The following CFAP61 variants were observed in gnomAD, a reference collection of about 807,000 sequenced individuals.
The protein encoded by CFAP61 is cilia and flagella associated protein 61.
Under a neutral mutation model 135.6 loss-of-function variants are expected in CFAP61, and 107 were observed. That is an observed-to-expected ratio of 0.79 (90% confidence interval 0.67 to 0.93). The LOEUF (loss-of-function observed/expected upper bound fraction) is 0.93, where lower values mean the gene tolerates loss of function less well. CFAP61 is among the 40% of genes least tolerant of loss of function. The probability of loss-of-function intolerance (pLI) is 0.00; values close to 1 mark genes in which losing one functional copy is unlikely to be tolerated. For missense variants in CFAP61, 1,507 were observed against 1,556.2 expected (o/e 0.97, Z 0.53); for synonymous variants, 575 against 578.5 (o/e 0.99, Z 0.09).
intron 26 of CFAP61, among the ~76,000 whole-genome samples, chr20:20,355,906 T>G (rs1300623637): frequency 9.1e-4 from 83 of 90,982 alleles, no homozygotes; most frequent in African/African-American, 3.6e-3. Context: ...TGAGGGGAGG[T>G]GGTCACACTG....
Position 20,098,801 on chromosome 20 carries a change from C to T in CFAP61, c.846C>T (p.Val282=), listed in dbSNP as rs567362692. ...TGGAATCACCACAAGACCTAAGTGT[C>T]CGAAGAAGTCAAGGTACAGTGGCTA... ...DVLESPQDLS[V]RRSQDAELRS... Residue 282 remains valine (V), a synonymous_variant, in exon 8 of 27, where the codon GTC becomes GTT. Transcript: ENST00000245957. The T allele has an allele frequency of 3.1e-6, 5 of 1,611,988 alleles. No individual in the cohort carries two copies. The East Asian group carries it at 6.7e-5, about 22-fold the overall frequency.
intron 3 of CFAP61, among the ~76,000 whole-genome samples, 173 bp downstream of exon 3, chr20:20,071,177 A>C (rs550261745): frequency 1.3e-5 from 2 of 151,956 alleles, no homozygotes; most frequent in African/African-American, 2.4e-5. Flanking sequence ...GCCAGGGGGG[A>C]TAGGAAAGGG....
chr20:20,062,895 C>CAA (rs2146545441), intron 2 of CFAP61, among the ~76,000 whole-genome samples: 1 of 152,240 alleles, frequency 6.6e-6, no homozygotes, highest in South Asian at 2.1e-4. Flanking sequence ...TATATGGGAT[C>CAA]AAGACTGTAG....
At chr20:20,162,894 G>A (rs1026298568) in intron 10 of CFAP61, among the ~76,000 whole-genome samples, 6 of 152,210 alleles carry the variant, frequency 3.9e-5, no homozygotes, top group African/African-American at 7.2e-5. Flanking sequence ...AAATACTTAC[G>A]GATTTAACCC....
intron 6 of CFAP61, among the ~76,000 whole-genome samples, chr20:20,081,283 A>G (rs770741424): frequency 1.1e-4 from 16 of 152,128 alleles, no homozygotes; most frequent in Non-Finnish European, 2.2e-4. Flanking sequence ...TTCTAAAAGT[A>G]TTTTCTTAAG....
At position 20,281,075 on chromosome 20, in the gene CFAP61, A is replaced by G. The variant is rs539317864; in HGVS notation, c.2796+3617A>G. Among the ~76,000 whole-genome samples the G allele has an allele frequency of 4.1e-4, 63 of 152,212 alleles. 3 individuals are homozygous for G. The South Asian group carries it at 0.011, about 28-fold the overall frequency. On this transcript the variant is annotated intron_variant, in intron 22 of 26. Coordinates refer to ENST00000245957, the MANE Select transcript of CFAP61 (RefSeq NM_015585.4). ...AAAATTTTGAAATTTCCAGTTGATC[A>G]CTGCAGGTTTACAAAATGCAATTTA...
intron 1 of CFAP61, among the ~76,000 whole-genome samples, chr20:20,054,521 T>C (rs774492914): frequency 1.8e-4 from 28 of 152,220 alleles, no homozygotes; most frequent in Non-Finnish European, 3.7e-4. Context: ...ATGAAAATTA[T>C]ACATAAGTCA....
intron 17 of CFAP61, among the ~76,000 whole-genome samples, chr20:20,212,323 A>T (rs2047708638): frequency 6.6e-6 from 1 of 152,052 alleles, no homozygotes; most frequent in Non-Finnish European, 1.5e-5. Flanking sequence ...TCTCTCACAC[A>T]CACACCAGGC....
intron 13 of CFAP61, among the ~76,000 whole-genome samples, chr20:20,186,955 G>A (rs2055545544): frequency 6.6e-6 from 1 of 152,156 alleles, no homozygotes; most frequent in South Asian, 2.1e-4. Flanking sequence ...CCTGGTGTGG[G>A]GCAGTCAGTC....
rs562441577 is a variant in CFAP61, at chr20:20,119,398, G to C, written c.859+20584G>C. On this transcript the variant is annotated intron_variant, in intron 8 of 26. Transcript: ENST00000245957. The stretch of plus-strand genomic sequence containing the variant: ...TTTCTCTAGGTTTTCCAATTTGTTG[G>C]TGTGTAATTGTTCATAATATTCTCG... 3.5e-4 allele frequency among the ~76,000 whole-genome samples: 53 copies of C among 152,152 alleles called. No homozygotes were observed. The South Asian group carries it at 0.011, about 32-fold the overall frequency.
At chr20:20,085,539 A>G (rs761213813) in intron 6 of CFAP61, 2 of 1,365,990 alleles carry the variant, frequency 1.5e-6, no homozygotes, top group East Asian at 9.1e-5. Context: ...GTGTTGAGGT[A>G]TGATTATGGA....
chr20:20,075,427 T>C, intron 5 of CFAP61, 62 bp from the exon 6 acceptor site: 3 of 1,579,104 alleles, frequency 1.9e-6, no homozygotes, highest in Non-Finnish European at 2.6e-6. Flanking sequence ...TACATTTTGT[T>C]CTGACATCCC....
At chr20:20,200,427 T>C (rs2056557292) in intron 17 of CFAP61, among the ~76,000 whole-genome samples, 2 of 151,916 alleles carry the variant, frequency 1.3e-5, no homozygotes, top group African/African-American at 4.8e-5. Context: ...GCAGCAGGAG[T>C]TTCTGACCTT....
chr20:20,307,744 A>C (rs1270377073), intron 25 of CFAP61, among the ~76,000 whole-genome samples: 1 of 152,192 alleles, frequency 6.6e-6, no homozygotes, highest in Non-Finnish European at 1.5e-5. Flanking sequence ...ATTTAGAGAG[A>C]GGTCATTATC....
At chr20:20,265,186 C>CT (rs2147016175) in intron 21 of CFAP61, among the ~76,000 whole-genome samples, 1 of 152,322 alleles carries the variant, frequency 6.6e-6, no homozygotes, top group South Asian at 2.1e-4. Flanking sequence ...CACAGTTCAT[C>CT]TTTAAGACTG....
intron 8 of CFAP61, among the ~76,000 whole-genome samples, chr20:20,117,046 A>T (rs960160412): frequency 7.2e-5 from 11 of 152,136 alleles, no homozygotes; most frequent in Admixed American, 7.2e-4. Flanking sequence ...TTTGTTATTG[A>T]TGCCTTCGTC....
In CFAP61 at chr20:20,344,240, G is replaced by A. The variant is rs79854091; in HGVS notation, c.3513+2319G>A. The stretch of plus-strand genomic sequence containing the variant: ...GCCGTCCCACCTCAGAGAGCTGTGG[G>A]GGAGTAGCAGAGGGGAAGTGTGCGA... On this transcript the variant is annotated intron_variant, in intron 26 of 26. Transcript: ENST00000245957. 8.8e-3 allele frequency among the ~76,000 whole-genome samples: 1,342 copies of A among 152,290 alleles called. 13 individuals carry two copies. The highest frequency in any genetic ancestry group is 0.031 in the African/African-American group (1,272 of 41,556).
chr20:20,228,162 G>C, intron 17 of CFAP61, 87 bp from the exon 18 acceptor site: 1 of 1,237,004 alleles, frequency 8.1e-7, no homozygotes, highest in Non-Finnish European at 1.1e-6. Context: ...GTCCTGGTTA[G>C]ATAATTCTAC....
At chr20:20,079,162 A>G (rs1041415690) in intron 6 of CFAP61, among the ~76,000 whole-genome samples, 3 of 152,126 alleles carry the variant, frequency 2.0e-5, no homozygotes, top group Admixed American at 2.0e-4. Context: ...CCACAGCCTG[A>G]TTTGCTCTTT....
Sources: allele counts gnomAD v4.1 joint callset (sites outside exome capture counted in the v4.1 genomes callset), GRCh38; gene constraint gnomAD v4.1.1; transcripts MANE v1.5; gene names NCBI Gene and HGNC (gene_info 2026-07-23, HGNC 2026-07-21).